The following MRTFB variants were observed in gnomAD, a reference collection of about 807,000 sequenced individuals.
MRTFB encodes myocardin-related transcription factor B.
In MRTFB, 29 loss-of-function variants were observed where a neutral mutation model predicts 104.2. That is an observed-to-expected ratio of 0.28 (90% CI 0.21 to 0.38). The LOEUF (loss-of-function observed/expected upper bound fraction) is 0.38. Ranked by LOEUF, MRTFB falls within the 10% of genes least tolerant of loss-of-function variation. The pLI, the probability that MRTFB is intolerant of heterozygous loss-of-function variation, is 1.00. For synonymous variants in MRTFB, 535 were observed against 519.5 expected, an observed-to-expected ratio of 1.03 and a Z score of -0.41; for missense variants, 1,270 against 1,341.6, an observed-to-expected ratio of 0.95 and a Z score of 0.83.
At chr16:14,074,509 G>T (rs1382999546) in intron 1 of MRTFB, among the ~76,000 whole-genome samples, 1 of 152,124 alleles carries the variant, frequency 6.6e-6, no homozygotes, top group Non-Finnish European at 1.5e-5. Context: ...TCTCTGATTT[G>T]TAATTAAGGT....
At chr16:14,233,745 AC>A (rs1283828088) in intron 8 of MRTFB, among the ~76,000 whole-genome samples, 1 of 137,426 alleles carries the variant, frequency 7.3e-6, no homozygotes, top group East Asian at 2.1e-4. Context: ...AGCCAAGATC[AC>A]CCCACTGCAT....
chr16:14,151,572 T>C (rs1468683191), intron 3 of MRTFB: 1 of 152,202 alleles, frequency 6.6e-6, no homozygotes, highest in Non-Finnish European at 1.5e-5. Context: ...CCAGTAACTT[T>C]TGCTCCCATT....
At chr16:14,016,958 G>A in the MRTFB span, among the ~76,000 whole-genome samples, 1 of 151,896 alleles carries the variant, frequency 6.6e-6, no homozygotes, top group African/African-American at 2.4e-5. Flanking sequence ...AGGCCAATGA[G>A]ATGCAACAAG....
At chr16:14,192,445 T>C (rs1420477526) in intron 3 of MRTFB, among the ~76,000 whole-genome samples, 1 of 152,192 alleles carries the variant, frequency 6.6e-6, no homozygotes, top group East Asian at 1.9e-4. Flanking sequence ...AAGATATCTC[T>C]TCACAGACAT....
At chr16:14,253,356 A>G (rs1167307554) in intron 15 of MRTFB, among the ~76,000 whole-genome samples, 2 of 152,168 alleles carry the variant, frequency 1.3e-5, no homozygotes, top group East Asian at 3.8e-4. Flanking sequence ...CCAAGAGACA[A>G]TATCCAAGCG....
rs74580319 is a variant in MRTFB at position 14,145,949 on chromosome 16, C to T, written c.154+5189C>T. Among the ~76,000 whole-genome samples, 715 of 152,294 alleles carry T rather than the reference C, an allele frequency of 4.7e-3. 5 individuals carry two copies. Among genetic ancestry groups the T allele is most frequent in the Non-Finnish European group, 8.5e-3 (577 of 68,012 alleles). Reference sequence around the variant, plus strand: ...GCCTGTGCCTACACTCTGAGGGGACCCTGCGGGAGAAGCTGTTCCTTCCTG... The same window carrying T: ...GCCTGTGCCTACACTCTGAGGGGACTCTGCGGGAGAAGCTGTTCCTTCCTG... On this transcript the variant is annotated intron_variant, in intron 3 of 16. Transcript: ENST00000571589.
the MRTFB span, among the ~76,000 whole-genome samples, chr16:14,034,731 C>T: frequency 2.8e-4 from 43 of 152,062 alleles, no homozygotes; most frequent in Non-Finnish European, 3.8e-4. Context: ...TATTGGATTA[C>T]GGCCCATTCT....
At chr16:14,251,755 C>G (rs371444193) in intron 13 of MRTFB, 107 bp from the exon 14 acceptor site, 2 of 1,157,452 alleles carry the variant, frequency 1.7e-6, no homozygotes, top group East Asian at 2.3e-5. Context: ...TACTCTGCAG[C>G]CCTTTACAGA....
chr16:14,110,053 G>A (rs2036191515), intron 2 of MRTFB, among the ~76,000 whole-genome samples: 1 of 152,202 alleles, frequency 6.6e-6, no homozygotes, highest in African/African-American at 2.4e-5. Context: ...GATCCTTAGA[G>A]TAGAGCTTGT....
At chr16:14,080,641 C>T (rs1391232594) in intron 2 of MRTFB, among the ~76,000 whole-genome samples, 2 of 152,184 alleles carry the variant, frequency 1.3e-5, no homozygotes, top group Non-Finnish European at 2.9e-5. Context: ...AACATTTCCA[C>T]ACCACCACCC....
chr16:14,023,275 A>AAAAAAT, the MRTFB span, among the ~76,000 whole-genome samples: 4 of 152,058 alleles, frequency 2.6e-5, no homozygotes, highest in African/African-American at 9.6e-5. Context: ...CTATCTCTAC[A>AAAAAAT]AAAAATAAAA....
At chr16:14,081,529 A>T (rs1275207301) in intron 2 of MRTFB, among the ~76,000 whole-genome samples, 2 of 151,952 alleles carry the variant, frequency 1.3e-5, no homozygotes, top group Admixed American at 6.6e-5. Context: ...CTGACCTCCG[A>T]TGATCCACCC....
chr16:14,201,201 A>G (rs1179915171), intron 3 of MRTFB, among the ~76,000 whole-genome samples: 1 of 152,218 alleles, frequency 6.6e-6, no homozygotes, highest in African/African-American at 2.4e-5. Context: ...GTCAAGATTT[A>G]TTCTGTGGTG....
the MRTFB span, among the ~76,000 whole-genome samples, chr16:13,996,168 A>G: frequency 1.3e-5 from 2 of 152,032 alleles, no homozygotes; most frequent in African/African-American, 2.4e-5. Flanking sequence ...GCTAGTCAGG[A>G]GGCTGAGGCA....
chr16:14,039,520 G>A, the MRTFB span, among the ~76,000 whole-genome samples: 3 of 151,862 alleles, frequency 2.0e-5, no homozygotes, highest in East Asian at 1.9e-4. Context: ...GAAATTAAGA[G>A]TTTTATTTCC....
chr16:14,211,632 G>C (rs372998228), intron 4 of MRTFB, among the ~76,000 whole-genome samples: 40 of 152,242 alleles, frequency 2.6e-4, no homozygotes, highest in African/African-American at 8.2e-4. Context: ...TGACGATTTG[G>C]TAAGCACTGC....
intron 8 of MRTFB, among the ~76,000 whole-genome samples, chr16:14,230,029 C>A (rs1030303558): frequency 6.6e-6 from 1 of 152,074 alleles, no homozygotes; most frequent in Non-Finnish European, 1.5e-5. Context: ...TAAAAGTATT[C>A]TTTTGGATTC....
In MRTFB at chr16:14,229,905, G is replaced by C. The variant is rs8044811; in HGVS notation, c.694-4241G>C. On this transcript the variant is annotated intron_variant, in intron 8 of 16. Coordinates refer to ENST00000571589, the MANE Select transcript of MRTFB (RefSeq NM_001308142.2). ...CCAATAAGACAAAGCAAAGTTTGCAGCTTTTTTTGTTTCTTTGGGGAAACA... is the reference window on the plus strand; with the variant it reads ...CCAATAAGACAAAGCAAAGTTTGCACCTTTTTTTGTTTCTTTGGGGAAACA... Among the ~76,000 whole-genome samples the C allele has an allele frequency of 2.4e-3, 364 of 152,242 alleles. 1 individual carries two copies. The highest frequency in any genetic ancestry group is 8.3e-3 in the African/African-American group (346 of 41,552).
intron 8 of MRTFB, among the ~76,000 whole-genome samples, chr16:14,222,616 G>A (rs2041786720): frequency 6.6e-6 from 1 of 151,182 alleles, no homozygotes; most frequent in Non-Finnish European, 1.5e-5. Context: ...GCAGGGGGCA[G>A]TGGCTCAGGC....
Sources: gnomAD v4.1 joint callset for allele counts (sites outside exome capture counted in the v4.1 genomes callset) on GRCh38, gnomAD v4.1.1 for gene constraint, MANE v1.5 for transcripts, NCBI Gene and HGNC (gene_info 2026-07-23, HGNC 2026-07-21) for gene names.